Variants in PABPC4L observed in about 807,000 individuals in gnomAD.
PABPC4L encodes poly(A) binding protein cytoplasmic 4 like.
For synonymous variants in PABPC4L, 169 were observed against 164.1 expected, an observed-to-expected ratio of 1.03 and a Z score of -0.23; for missense variants, 452 against 451.4, an observed-to-expected ratio of 1.00 and a Z score of -0.01.
the PABPC4L span, among the ~76,000 whole-genome samples, chr4:134,052,000 C>A: frequency 2.6e-5 from 4 of 151,880 alleles, no homozygotes; most frequent in South Asian, 6.2e-4. Flanking sequence ...GAAAACGTTT[C>A]TTTTAAAAAA....
the PABPC4L span, among the ~76,000 whole-genome samples, chr4:134,171,178 C>G: frequency 6.6e-6 from 1 of 152,074 alleles, no homozygotes; most frequent in African/African-American, 2.4e-5. Context: ...TACAGTGGCA[C>G]AATCTCAGCT....
the PABPC4L span, among the ~76,000 whole-genome samples, chr4:134,115,804 G>GA: frequency 1.3e-5 from 2 of 151,462 alleles, no homozygotes; most frequent in Non-Finnish European, 3.0e-5. Context: ...TCCACCTTAA[G>GA]AAAAAACATC....
the PABPC4L span, among the ~76,000 whole-genome samples, chr4:134,052,125 C>T: frequency 6.6e-6 from 1 of 152,000 alleles, no homozygotes; most frequent in Non-Finnish European, 1.5e-5. Context: ...CTGGGAATGT[C>T]CCCTAGAGAC....
chr4:133,981,339 G>T, the PABPC4L span, among the ~76,000 whole-genome samples: 2 of 151,956 alleles, frequency 1.3e-5, no homozygotes, highest in Non-Finnish European at 2.9e-5. Flanking sequence ...TATGTTAAAA[G>T]AATAAAATAT....
the PABPC4L span, among the ~76,000 whole-genome samples, chr4:134,030,145 C>A: frequency 4.6e-5 from 7 of 151,926 alleles, no homozygotes; most frequent in Non-Finnish European, 7.4e-5. Flanking sequence ...GGCCTTAAGG[C>A]AGCACGAGAA....
At chr4:134,040,727 G>T in the PABPC4L span, among the ~76,000 whole-genome samples, 3 of 152,082 alleles carry the variant, frequency 2.0e-5, no homozygotes, top group South Asian at 6.2e-4. Flanking sequence ...TTGACAAATG[G>T]GATCTCATTA....
the PABPC4L span, among the ~76,000 whole-genome samples, chr4:134,172,398 C>T: frequency 1.1e-3 from 161 of 152,098 alleles, no homozygotes; most frequent in Middle Eastern, 6.8e-3. Flanking sequence ...ACAAAGTTGA[C>T]CAACTAGCAA....
chr4:134,181,676 C>T, the PABPC4L span, among the ~76,000 whole-genome samples: 1 of 152,000 alleles, frequency 6.6e-6, no homozygotes, highest in Non-Finnish European at 1.5e-5. Flanking sequence ...AGCAAAGTTT[C>T]AGGATACAAA....
At chr4:134,037,739 T>C in the PABPC4L span, among the ~76,000 whole-genome samples, 2 of 152,196 alleles carry the variant, frequency 1.3e-5, no homozygotes, top group African/African-American at 4.8e-5. Context: ...CGATGGGGTT[T>C]TCTAAATATA....
chr4:133,950,176 A>AT, the PABPC4L span, among the ~76,000 whole-genome samples: 2 of 151,924 alleles, frequency 1.3e-5, no homozygotes, highest in African/African-American at 4.8e-5. Flanking sequence ...TTGAATCGGT[A>AT]TTTTTCACCA....
the PABPC4L span, among the ~76,000 whole-genome samples, chr4:134,081,766 C>T: frequency 6.6e-6 from 1 of 152,018 alleles, no homozygotes; most frequent in Non-Finnish European, 1.5e-5. Context: ...CAAAAAAACA[C>T]AAATAAACTT....
chr4:134,183,190 GA>G, the PABPC4L span, among the ~76,000 whole-genome samples: 1 of 151,992 alleles, frequency 6.6e-6, no homozygotes, highest in East Asian at 1.9e-4. Context: ...TGATAGCAAA[GA>G]CATGGAATCC....
chr4:134,087,350 GTTC>G, the PABPC4L span, among the ~76,000 whole-genome samples: 8 of 152,224 alleles, frequency 5.3e-5, no homozygotes, highest in South Asian at 8.3e-4. Flanking sequence ...TTCATTTTCA[GTTC>G]TTCTTTTACT....
At chr4:134,016,956 A>G in the PABPC4L span, among the ~76,000 whole-genome samples, 1 of 152,126 alleles carries the variant, frequency 6.6e-6, no homozygotes. Flanking sequence ...AGTCTAGGTA[A>G]ACACTTTCAC....
the PABPC4L span, among the ~76,000 whole-genome samples, chr4:134,188,106 G>A: frequency 6.6e-6 from 1 of 151,448 alleles, no homozygotes; most frequent in East Asian, 1.9e-4. Context: ...TCATGTGTGT[G>A]TGTGCAGGGG....
the PABPC4L span, among the ~76,000 whole-genome samples, chr4:134,086,736 T>TC: frequency 1.3e-5 from 2 of 151,354 alleles, no homozygotes; most frequent in East Asian, 1.9e-4. Flanking sequence ...TTTTTTTTTT[T>TC]CTGGATGATA....
At chr4:134,106,084 A>T in the PABPC4L span, among the ~76,000 whole-genome samples, 2 of 151,650 alleles carry the variant, frequency 1.3e-5, no homozygotes, top group Admixed American at 1.3e-4. Flanking sequence ...CTGTTTTATT[A>T]TGGTCAATAT....
At chr4:134,135,694 A>G in the PABPC4L span, among the ~76,000 whole-genome samples, 1 of 152,030 alleles carries the variant, frequency 6.6e-6, no homozygotes, top group Non-Finnish European at 1.5e-5. Context: ...TTAGCTGGGC[A>G]TGGTGGCACA....
At chr4:134,020,957 A>C in the PABPC4L span, among the ~76,000 whole-genome samples, 6 of 152,228 alleles carry the variant, frequency 3.9e-5, no homozygotes, top group African/African-American at 1.4e-4. Context: ...AGTCCTAACT[A>C]ACTACTTCAT....
Sources: gnomAD v4.1 joint callset for allele counts (sites outside exome capture counted in the v4.1 genomes callset) on GRCh38, gnomAD v4.1.1 for gene constraint, MANE v1.5 for transcripts, NCBI Gene and HGNC (gene_info 2026-07-23, HGNC 2026-07-21) for gene names.